Variants in DOP1A observed in about 807,000 individuals in gnomAD.
The protein encoded by DOP1A is protein DOP1A.
Under a neutral mutation model 267.6 loss-of-function variants are expected in DOP1A, and 90 were observed. The ratio of observed to expected loss-of-function variants is 0.34; its 90% CI spans 0.28 to 0.40. The LOEUF (loss-of-function observed/expected upper bound fraction) is 0.40. Ranked by LOEUF, DOP1A falls within the 10% of genes least tolerant of loss-of-function variation. The probability of loss-of-function intolerance (pLI) is 1.00; values close to 1 mark genes in which losing one functional copy is unlikely to be tolerated. For missense variants in DOP1A, 2,437 were observed against 2,900.4 expected (o/e 0.84, Z 3.67); for synonymous variants, 932 against 999.1 (o/e 0.93, Z 1.27).
chr6:83,151,459 ATATG>A, intron 27 of DOP1A, 130 bp from the exon 28 acceptor site: 1 of 564,276 alleles, frequency 1.8e-6, no homozygotes, highest in Non-Finnish European at 3.0e-6. Flanking sequence ...GAGTCATAGG[ATATG>A]TATATATATT....
chr6:83,131,359 G>A (rs1193592829), intron 17 of DOP1A, among the ~76,000 whole-genome samples: 2 of 152,090 alleles, frequency 1.3e-5, no homozygotes, highest in Non-Finnish European at 2.9e-5. Context: ...GAATCCTGAA[G>A]ATTATTGCAT....
intron 1 of DOP1A, 64 bp downstream of exon 1, chr6:83,067,843 G>C (rs922644889): frequency 1.3e-5 from 2 of 152,300 alleles, no homozygotes; most frequent in African/African-American, 4.8e-5. Context: ...CATCCTTCTC[G>C]GCCCGGCTAG....
intron 4 of DOP1A, among the ~76,000 whole-genome samples, chr6:83,101,380 C>T (rs1772566899): frequency 6.6e-6 from 1 of 152,082 alleles, no homozygotes; most frequent in South Asian, 2.1e-4. Context: ...TCTTTAATGT[C>T]TTTTTGTTTT....
In DOP1A at chr6:83,109,596, C is replaced by T. The variant is rs76162360; in HGVS notation, c.491+516C>T. Among the ~76,000 whole-genome samples, 224 of 152,270 alleles carry T rather than the reference C, an allele frequency of 1.5e-3. 1 individual carries two copies. The highest frequency in any genetic ancestry group is 5.1e-3 in the African/African-American group (210 of 41,562). On this transcript the variant is annotated intron_variant, in intron 5 of 38. Transcript: ENST00000349129. ...GGGAGAAAATAGCTTAGTACCAGTA[C>T]AGTGCTGTTTCACTAGCTGTTGACG...
Position 83,119,739 on chromosome 6 carries a change from T to G in DOP1A, c.881-9T>G, listed in dbSNP as rs1262413984. 1 of 1,604,180 alleles carries G rather than the reference T, an allele frequency of 6.2e-7. No homozygotes were observed. Among genetic ancestry groups the G allele is most frequent in the Non-Finnish European group, 8.5e-7 (1 of 1,175,468 alleles). The stretch of plus-strand genomic sequence containing the variant: ...ATTTTAAGTAATTTTGTGATTTGTT[T>G]CCATGGAGGTTTTGATAACAACGGT... On this transcript the variant is annotated splice_polypyrimidine_tract_variant and intron_variant, in intron 8 of 38. Transcript: ENST00000349129.
At chr6:83,118,138 C>T (rs1376727924) in intron 7 of DOP1A, among the ~76,000 whole-genome samples, 1 of 152,156 alleles carries the variant, frequency 6.6e-6, no homozygotes, top group Non-Finnish European at 1.5e-5. Flanking sequence ...TCAGTTTCCA[C>T]ATTATCATCT....
chr6:83,092,410 A>C (rs969547620), intron 1 of DOP1A, among the ~76,000 whole-genome samples: 1 of 152,240 alleles, frequency 6.6e-6, no homozygotes, highest in East Asian at 1.9e-4. Flanking sequence ...ATAAAACAAA[A>C]ATTAATTTGA....
chr6:83,102,625 G>T (rs1227966506), intron 4 of DOP1A, among the ~76,000 whole-genome samples: 1 of 152,102 alleles, frequency 6.6e-6, no homozygotes, highest in East Asian at 1.9e-4. Context: ...TTCGTCACTG[G>T]CCTAACATTG....
At chr6:83,083,674 TATC>T (rs1768554628) in intron 1 of DOP1A, among the ~76,000 whole-genome samples, 1 of 152,194 alleles carries the variant, frequency 6.6e-6, no homozygotes, top group Non-Finnish European at 1.5e-5. Context: ...CTGTGATTAT[TATC>T]ATCATCTTGA....
intron 25 of DOP1A, 44 bp from the exon 26 acceptor site, chr6:83,147,192 G>A: frequency 2.0e-6 from 2 of 1,003,348 alleles, no homozygotes; most frequent in Admixed American, 2.2e-5. Flanking sequence ...AAAAGCAAAG[G>A]CAGTATTCTT....
chr6:83,124,651 A>G, intron 12 of DOP1A, 54 bp from the exon 13 acceptor site: 2 of 1,230,128 alleles, frequency 1.6e-6, no homozygotes, highest in Non-Finnish European at 2.4e-6. Context: ...ATGCTGTCAC[A>G]GGTATTCACA....
chr6:83,137,487 G>A lies in DOP1A; in HGVS notation c.3445G>A (p.Val1149Ile). The A allele has an allele frequency of 6.2e-7, 1 of 1,613,786 alleles. No individual in the cohort carries two copies. Among genetic ancestry groups the A allele is most frequent in the Non-Finnish European group, 8.5e-7 (1 of 1,179,840 alleles). Residue 1149 changes from valine to isoleucine, a missense_variant, in exon 21 of 39, where the codon GTT becomes ATT. By Grantham distance (29) the Val-to-Ile change is conservative (BLOSUM62 3). This residue lies in a region of DOP1A where 878 missense variants were observed against 992.9 expected (regional missense o/e 0.88). Coordinates refer to ENST00000349129, the MANE Select transcript of DOP1A (RefSeq NM_015018.4). ...CAAGGAAAGCTCCCCAGATGATGAT[G>A]TTCAACAGGTAGTATTTGACCTGAT... Reference protein sequence around the residue: ...MPKESSPDDDVQQVVFDLICK... With the variant: ...MPKESSPDDDIQQVVFDLICK...
intron 1 of DOP1A, among the ~76,000 whole-genome samples, chr6:83,090,930 CTATTG>C (rs1345900836): frequency 1.3e-5 from 2 of 151,976 alleles, no homozygotes; most frequent in Non-Finnish European, 2.9e-5. Context: ...TAGGATTTGA[CTATTG>C]TATTAGTTTT....
At chr6:83,120,464 A>T (rs902516043) in intron 9 of DOP1A, among the ~76,000 whole-genome samples, 1 of 152,000 alleles carries the variant, frequency 6.6e-6, no homozygotes, top group East Asian at 1.9e-4. Flanking sequence ...ATATTCCACT[A>T]TGTCTAAAGA....
Position 83,129,044 on chromosome 6 carries a change from C to A in DOP1A, c.1877C>A (p.Ala626Glu). 1 of 1,613,886 alleles carries A rather than the reference C, an allele frequency of 6.2e-7. No homozygotes were observed. The highest frequency in any genetic ancestry group is 8.5e-7 in the Non-Finnish European group (1 of 1,179,868). Residue 626 changes from alanine to glutamate, a missense_variant, in exon 16 of 39, where the codon GCA becomes GAA. Physicochemically the swap from Ala to Glu is moderately radical, Grantham distance 107. Transcript: ENST00000349129. ...IDRELSEGQG[A>E]AAIPIGSTSS... is the part of the protein sequence containing the mutation. ...AGAGAACTGAGTGAGGGCCAGGGGG[C>A]AGCTGCCATCCCAATTGGTAGCACA...
chr6:83,151,864 T>C lies in DOP1A; in HGVS notation c.5905-19T>C. 1 of 1,612,040 alleles carries C rather than the reference T, an allele frequency of 6.2e-7. No homozygotes were observed. Among genetic ancestry groups the C allele is most frequent in the Non-Finnish European group, 8.5e-7 (1 of 1,178,518 alleles). On this transcript the variant is annotated intron_variant, in intron 28 of 38. Transcript: ENST00000349129. Reference sequence around the variant, plus strand: ...TGCATGTGTGTACCATACATAGTTGTTCTTCCTTATTTTTTTAGGATGTAA... The same window carrying C: ...TGCATGTGTGTACCATACATAGTTGCTCTTCCTTATTTTTTTAGGATGTAA...
chr6:83,170,749 C>A (rs1210650192), downstream of DOP1A: 3 of 280,708 alleles, frequency 1.1e-5, no homozygotes, highest in African/African-American at 2.2e-5. Context: ...GACTAAGTCC[C>A]ATATCACACA....
rs758058192 is a variant in DOP1A, at chr6:83,075,793, G to T, written c.-147+8014G>T. ...TGTTGGGAAAAACTGATATCCCTAT[G>T]TGAAAAAATGAAGTTGTATATCTTA... On this transcript the variant is annotated intron_variant, in intron 1 of 38. Transcript: ENST00000349129. 5.3e-4 allele frequency among the ~76,000 whole-genome samples: 80 copies of T among 152,178 alleles called. 1 individual carries two copies. Among genetic ancestry groups the T allele is most frequent in the South Asian group, 1.0e-3 (5 of 4,826 alleles).
At chr6:83,103,545 A>G (rs373570989) in intron 4 of DOP1A, among the ~76,000 whole-genome samples, 20 of 152,222 alleles carry the variant, frequency 1.3e-4, no homozygotes, top group East Asian at 7.7e-4. Context: ...TTCAACCACT[A>G]TCTTTTGAGA....
Sources: gnomAD v4.1 joint callset for allele counts (sites outside exome capture counted in the v4.1 genomes callset) on GRCh38, gnomAD v4.1.1 for gene constraint, gnomAD v4.1.1 regional missense constraint, MANE v1.5 for transcripts, NCBI Gene and HGNC (gene_info 2026-07-23, HGNC 2026-07-21) for gene names.